TENM3: variants seen among roughly 807,000 people sequenced by gnomAD.
TENM3 encodes the protein teneurin transmembrane protein 3.
Under a neutral mutation model 255.1 loss-of-function variants are expected in TENM3, and 63 were observed. That is an observed-to-expected ratio of 0.25 (90% CI 0.20 to 0.30). TENM3 has a LOEUF of 0.30. TENM3 is among the 10% of genes least tolerant of loss of function. TENM3 has a pLI of 1.00. For synonymous variants in TENM3, 1,306 were observed against 1,322.3 expected (o/e 0.99, Z 0.27); for missense variants, 2,929 against 3,461.1 (o/e 0.85, Z 3.86).
the TENM3 span, among the ~76,000 whole-genome samples, chr4:181,485,491 A>T: frequency 1.4e-5 from 2 of 144,350 alleles, no homozygotes; most frequent in Non-Finnish European, 3.1e-5. Context: ...ATTTTTTTTA[A>T]AAAAAAGAGT....
At chr4:181,799,324 T>G in the TENM3 span, among the ~76,000 whole-genome samples, 3 of 152,240 alleles carry the variant, frequency 2.0e-5, no homozygotes, top group African/African-American at 7.2e-5. Context: ...GTAAATGTGA[T>G]TGGCATAAAA....
chr4:182,345,276 C>A (rs1269619885), intron 2 of TENM3, among the ~76,000 whole-genome samples: 1 of 152,160 alleles, frequency 6.6e-6, no homozygotes, highest in African/African-American at 2.4e-5. Flanking sequence ...ATATTTACTA[C>A]ATTGTCCATT....
In TENM3 at chr4:182,793,824, G is replaced by C; in HGVS notation, c.7152G>C (p.Leu2384Phe). The change falls in exon 26 of 28, where the codon TTG becomes TTC. Residue 2384 changes from leucine to phenylalanine, a missense_variant. This residue lies in a region of TENM3 where 476 missense variants were observed against 480.1 expected (regional missense o/e 0.99). Transcript: ENST00000511685. This position sits in a 1 kb window ranked among gnomAD's most constrained non-coding sequence, Gnocchi z 5.7. ...RIGKDPAPFN[L>F]YMFRNNNPAS... ...GGAAGGACCCAGCTCCTTTTAACTT[G>C]TACATGTTTAGGAATAACAACCCTG... 6.2e-7 allele frequency: 1 copy of C among 1,613,782 alleles called. No homozygotes were observed. Among genetic ancestry groups the C allele is most frequent in the Non-Finnish European group, 8.5e-7 (1 of 1,179,824 alleles).
chr4:182,359,170 C>G (rs992047286), intron 3 of TENM3, among the ~76,000 whole-genome samples: 2 of 152,152 alleles, frequency 1.3e-5, no homozygotes, highest in African/African-American at 4.8e-5. Context: ...GGATATTGGT[C>G]TAAACTTCTC....
At chr4:181,643,319 G>T in the TENM3 span, among the ~76,000 whole-genome samples, 1 of 151,952 alleles carries the variant, frequency 6.6e-6, no homozygotes, top group East Asian at 1.9e-4. Context: ...TGTTTGTCTT[G>T]TGATTTTTGC....
At chr4:182,049,988 TA>T in the TENM3 span, among the ~76,000 whole-genome samples, 1 of 122,930 alleles carries the variant, frequency 8.1e-6, no homozygotes, top group Non-Finnish European at 1.8e-5. Context: ...GTATTTTTTT[TA>T]ATTAAAAAAA....
the TENM3 span, among the ~76,000 whole-genome samples, chr4:181,756,842 T>A: frequency 6.6e-6 from 1 of 152,180 alleles, no homozygotes; most frequent in Non-Finnish European, 1.5e-5. Context: ...CCCTGGGGAT[T>A]GTCAACTTTC....
chr4:181,481,774 G>A, the TENM3 span, among the ~76,000 whole-genome samples: 3 of 152,056 alleles, frequency 2.0e-5, no homozygotes, highest in East Asian at 5.8e-4. Context: ...CTCTTCATGT[G>A]CAAAAAAGGA....
At chr4:181,500,746 A>G in the TENM3 span, among the ~76,000 whole-genome samples, 10 of 152,222 alleles carry the variant, frequency 6.6e-5, no homozygotes, top group African/African-American at 2.4e-4. Context: ...CGAGGCAACT[A>G]CTCTGCTCAG....
At chr4:182,560,828 T>C (rs1743085054) in intron 3 of TENM3, among the ~76,000 whole-genome samples, 1 of 152,012 alleles carries the variant, frequency 6.6e-6, no homozygotes, top group South Asian at 2.1e-4. Flanking sequence ...AACAATATAA[T>C]GAACAGTGGA....
chr4:181,686,833 G>A, the TENM3 span, among the ~76,000 whole-genome samples: 3 of 151,942 alleles, frequency 2.0e-5, no homozygotes, highest in African/African-American at 7.2e-5. Context: ...TATACTCATC[G>A]ATGAACTATA....
intron 1 of TENM3, among the ~76,000 whole-genome samples, chr4:182,147,513 C>T (rs1191180448): frequency 6.6e-6 from 1 of 152,040 alleles, no homozygotes; most frequent in Non-Finnish European, 1.5e-5. Context: ...TGAATATCAT[C>T]CAAGTTTTAT....
At chr4:182,337,453 C>T (rs898156719) in intron 2 of TENM3, among the ~76,000 whole-genome samples, 4 of 152,028 alleles carry the variant, frequency 2.6e-5, no homozygotes, top group African/African-American at 7.2e-5. Flanking sequence ...TGCTCAGCAC[C>T]GTTAGCCATC....
chr4:181,653,634 C>T, the TENM3 span, among the ~76,000 whole-genome samples: 2 of 150,692 alleles, frequency 1.3e-5, no homozygotes, highest in Admixed American at 1.3e-4. Flanking sequence ...CTCTTGACCT[C>T]GTGATCTGCC....
chr4:182,555,149 A>G (rs1046342852), intron 3 of TENM3, among the ~76,000 whole-genome samples: 1 of 152,218 alleles, frequency 6.6e-6, no homozygotes, highest in African/African-American at 2.4e-5. Flanking sequence ...CATAAAAACC[A>G]TTCTAATAGA....
rs571370746 is a variant in TENM3 at position 182,653,861 on chromosome 4, C to G, written c.1079C>G (p.Thr360Arg). Reference sequence around the variant, plus strand: ...AAAGTGAATTCTGATACCATGCCAACAAACACTGTGTCATTACCTTCTGGA... The same window carrying G: ...AAAGTGAATTCTGATACCATGCCAAGAAACACTGTGTCATTACCTTCTGGA... ...NGKVNSDTMPTNTVSLPSGDN... is the reference protein window; with the variant it reads ...NGKVNSDTMPRNTVSLPSGDN... The change falls in exon 6 of 28, where the codon ACA becomes AGA. Residue 360 changes from threonine to arginine, a missense_variant. By Grantham distance (71) the Thr-to-Arg change is moderately conservative (BLOSUM62 -1). Transcript: ENST00000511685. 3 of 1,613,080 alleles carry G rather than the reference C, an allele frequency of 1.9e-6. No homozygotes were observed. Among genetic ancestry groups the G allele is most frequent in the African/African-American group, 2.7e-5 (2 of 75,008 alleles).
intron 1 of TENM3, among the ~76,000 whole-genome samples, chr4:182,198,189 C>T (rs966081231): frequency 1.3e-5 from 2 of 151,934 alleles, no homozygotes; most frequent in South Asian, 2.1e-4. Context: ...GACCCTGGGC[C>T]GTTTACTCTG....
intron 3 of TENM3, among the ~76,000 whole-genome samples, chr4:182,493,416 C>T (rs1735484275): frequency 6.6e-6 from 1 of 152,074 alleles, no homozygotes; most frequent in Admixed American, 6.6e-5. Flanking sequence ...AAGGGTGACC[C>T]AGTACGTGTG....
intron 5 of TENM3, among the ~76,000 whole-genome samples, chr4:182,650,891 T>A (rs28589819): frequency 0.57 from 52,065 of 91,728 alleles, 10,258 homozygotes; most frequent in East Asian, 0.64. Context: ...TAAAAAAAAA[T>A]ATATATATAT....
Sources: allele counts gnomAD v4.1 joint callset (sites outside exome capture counted in the v4.1 genomes callset), GRCh38; gene constraint gnomAD v4.1.1; regional missense constraint gnomAD v4.1.1; non-coding constraint Gnocchi (gnomAD v3.1); transcripts MANE v1.5; gene names NCBI Gene and HGNC (gene_info 2026-07-23, HGNC 2026-07-21).